Variants in DSCAM observed in about 807,000 individuals in gnomAD.
DSCAM encodes DS cell adhesion molecule.
A neutral mutation model predicts 217.7 loss-of-function variants in DSCAM; 47 were observed. The ratio of observed to expected loss-of-function variants is 0.22; its 90% CI spans 0.17 to 0.28. DSCAM has a LOEUF of 0.28. Among genes scored for constraint, DSCAM ranks in the 10% least tolerant of loss-of-function variants. The pLI, the probability that DSCAM is intolerant of heterozygous loss-of-function variation, is 1.00. For synonymous variants in DSCAM, 1,056 were observed against 1,015.3 expected (o/e 1.04, Z -0.76); for missense variants, 2,080 against 2,618.3 (o/e 0.79, Z 4.49).
intron 19 of DSCAM, among the ~76,000 whole-genome samples, chr21:40,127,354 A>G (rs1033464928): frequency 6.6e-6 from 1 of 152,222 alleles, no homozygotes; most frequent in Admixed American, 6.5e-5. Flanking sequence ...AAAAAACGGT[A>G]TATGTCTGTC....
At chr21:40,149,802 C>T (rs1337340739) in intron 16 of DSCAM, among the ~76,000 whole-genome samples, 1 of 150,304 alleles carries the variant, frequency 6.7e-6, no homozygotes, top group Non-Finnish European at 1.5e-5. Flanking sequence ...CACCACCATC[C>T]ATCACTCCAT....
intron 1 of DSCAM, among the ~76,000 whole-genome samples, chr21:40,845,115 C>G (rs1183256316): frequency 1.3e-5 from 2 of 152,156 alleles, no homozygotes; most frequent in Non-Finnish European, 2.9e-5. Context: ...AGGGAAATTC[C>G]CAGGAGGACA....
chr21:40,378,795 G>A (rs1399776314), intron 3 of DSCAM, among the ~76,000 whole-genome samples: 2 of 149,232 alleles, frequency 1.3e-5, no homozygotes, highest in African/African-American at 4.9e-5. Flanking sequence ...GGGTTTCACC[G>A]TGTTAGCCAG....
chr21:40,478,275 A>C (rs1246631569), intron 3 of DSCAM, among the ~76,000 whole-genome samples: 1 of 152,082 alleles, frequency 6.6e-6, no homozygotes, highest in Non-Finnish European at 1.5e-5. Flanking sequence ...TTTTGATTGG[A>C]GCTATTATGA....
chr21:40,219,357 T>C (rs986773210), intron 11 of DSCAM, among the ~76,000 whole-genome samples: 1 of 152,216 alleles, frequency 6.6e-6, no homozygotes, highest in Non-Finnish European at 1.5e-5. Flanking sequence ...TCCTGCTTTT[T>C]AAAAATGCAG....
At chr21:40,455,863 T>C (rs2075759305) in intron 3 of DSCAM, among the ~76,000 whole-genome samples, 1 of 151,802 alleles carries the variant, frequency 6.6e-6, no homozygotes, top group South Asian at 2.1e-4. Flanking sequence ...AATAGATAGA[T>C]AGGAAAAAAT....
At chr21:40,175,392 G>A (rs2090713599) in intron 15 of DSCAM, among the ~76,000 whole-genome samples, 1 of 152,268 alleles carries the variant, frequency 6.6e-6, no homozygotes, top group African/African-American at 2.4e-5. Context: ...GGGATTATAG[G>A]CGTGAACTAC....
intron 3 of DSCAM, among the ~76,000 whole-genome samples, chr21:40,515,469 C>A (rs1162460379): frequency 6.6e-6 from 1 of 152,074 alleles, no homozygotes; most frequent in East Asian, 1.9e-4. Flanking sequence ...TCTCTTTCTC[C>A]CCAAAGGTTT....
chr21:40,315,245 A>T (rs1303678375), intron 8 of DSCAM, among the ~76,000 whole-genome samples: 4 of 151,938 alleles, frequency 2.6e-5, no homozygotes, highest in Non-Finnish European at 5.9e-5. Context: ...CTAAAAATAA[A>T]AAAAAAAAAT....
intron 3 of DSCAM, among the ~76,000 whole-genome samples, chr21:40,650,940 G>C (rs747123058): frequency 6.6e-6 from 1 of 152,136 alleles, no homozygotes; most frequent in African/African-American, 2.4e-5. Flanking sequence ...GGGGAAAGGT[G>C]GAGCCTGGAG....
rs975085732 is a variant in DSCAM, at chr21:40,721,754, C to T, written c.44-12983G>A. Among the ~76,000 whole-genome samples, 23 of 151,924 alleles carry T rather than the reference C, an allele frequency of 1.5e-4. No individual in the cohort carries two copies. The East Asian group carries it at 4.1e-3, about 27-fold the overall frequency. ...TGAAAATGAGATACAGAAAAAAAAT[C>T]GAACAATTAATATACAGAAGTTTCA... is the stretch of plus-strand genomic sequence containing the variant. On this transcript the variant is annotated intron_variant, in intron 1 of 32. Coordinates refer to ENST00000400454, the MANE Select transcript of DSCAM (RefSeq NM_001389.5).
intron 9 of DSCAM, among the ~76,000 whole-genome samples, chr21:40,300,024 A>G (rs1601529930): frequency 6.6e-6 from 1 of 152,062 alleles, no homozygotes; most frequent in Admixed American, 6.5e-5. Context: ...ATTGCCCTCA[A>G]GACAATTCTT....
intron 10 of DSCAM, among the ~76,000 whole-genome samples, chr21:40,293,542 C>G (rs1234003901): frequency 6.6e-6 from 1 of 152,134 alleles, no homozygotes; most frequent in Non-Finnish European, 1.5e-5. Flanking sequence ...TCAATCTTAA[C>G]TAAAGTAATT....
At chr21:40,765,328 T>C (rs1441587279) in intron 1 of DSCAM, among the ~76,000 whole-genome samples, 1 of 151,804 alleles carries the variant, frequency 6.6e-6, no homozygotes, top group African/African-American at 2.4e-5. Flanking sequence ...GCCCAGCCCC[T>C]GGCCCTGGAG....
At chr21:40,426,164 A>G (rs1400827128) in intron 3 of DSCAM, among the ~76,000 whole-genome samples, 1 of 152,210 alleles carries the variant, frequency 6.6e-6, no homozygotes, top group Non-Finnish European at 1.5e-5. Context: ...GCCAGGCACA[A>G]TTGTCAGGGG....
chr21:40,757,619 C>A (rs1423875098), intron 1 of DSCAM, among the ~76,000 whole-genome samples: 2 of 152,206 alleles, frequency 1.3e-5, no homozygotes, highest in Non-Finnish European at 2.9e-5. Context: ...CTAGGCTAGT[C>A]CACCAGAGGG....
At chr21:40,133,779 G>A in intron 19 of DSCAM, 75 bp downstream of exon 19, 1 of 1,504,920 alleles carries the variant, frequency 6.6e-7, no homozygotes, top group Non-Finnish European at 8.9e-7. Flanking sequence ...TGAACTGCAG[G>A]GTAAAGGCAA....
At chr21:40,688,620 A>T (rs997531478) in intron 3 of DSCAM, among the ~76,000 whole-genome samples, 1 of 152,104 alleles carries the variant, frequency 6.6e-6, no homozygotes, top group African/African-American at 2.4e-5. Flanking sequence ...ATAGGTCAGG[A>T]TCTGTCATAT....
intron 3 of DSCAM, among the ~76,000 whole-genome samples, chr21:40,680,346 C>T (rs2090386718): frequency 6.6e-6 from 1 of 152,146 alleles, no homozygotes; most frequent in South Asian, 2.1e-4. Context: ...TGGCCTGAAA[C>T]TGCAGTTATG....
Sources: gnomAD v4.1 joint callset for allele counts (sites outside exome capture counted in the v4.1 genomes callset) on GRCh38, gnomAD v4.1.1 for gene constraint, MANE v1.5 for transcripts, NCBI Gene and HGNC (gene_info 2026-07-23, HGNC 2026-07-21) for gene names.